DYNC1I1: variants seen among roughly 807,000 people sequenced by gnomAD.
DYNC1I1 encodes the protein dynein cytoplasmic 1 intermediate chain 1, also known as cytoplasmic dynein 1 intermediate chain 1.
DYNC1I1 carries 43 observed loss-of-function variants against 86.6 expected under a neutral mutation model. That is an observed-to-expected ratio of 0.50 (90% confidence interval 0.39 to 0.64). The LOEUF is 0.64. Ranked by LOEUF, DYNC1I1 falls within the 30% of genes least tolerant of loss-of-function variation. DYNC1I1 has a pLI of 0.00. For synonymous variants in DYNC1I1, 262 were observed against 283.7 expected, an observed-to-expected ratio of 0.92 and a Z score of 0.77; for missense variants, 604 against 788.8, an observed-to-expected ratio of 0.77 and a Z score of 2.81.
At chr7:95,844,544 C>T (rs1789375185) in intron 5 of DYNC1I1, among the ~76,000 whole-genome samples, 1 of 152,094 alleles carries the variant, frequency 6.6e-6, no homozygotes, top group Non-Finnish European at 1.5e-5. Context: ...ACATAGTCCC[C>T]TGCAAAATTC....
intron 16 of DYNC1I1, among the ~76,000 whole-genome samples, chr7:96,095,405 C>T (rs1790972808): frequency 6.6e-6 from 1 of 152,066 alleles, no homozygotes; most frequent in Non-Finnish European, 1.5e-5. Context: ...TAACATATTG[C>T]ATAGGTCATC....
intron 9 of DYNC1I1, among the ~76,000 whole-genome samples, chr7:95,995,211 C>T (rs1451636460): frequency 6.6e-6 from 1 of 151,926 alleles, no homozygotes; most frequent in Non-Finnish European, 1.5e-5. Flanking sequence ...CAGGCCACTG[C>T]ACTCCAGCCT....
chr7:95,816,897 A>T, intron 4 of DYNC1I1, among the ~76,000 whole-genome samples: 1 of 152,214 alleles, frequency 6.6e-6, no homozygotes, highest in Non-Finnish European at 1.5e-5. Flanking sequence ...CTAGGAATAG[A>T]AAATATTTTC....
At chr7:95,922,349 T>G (rs559346099) in intron 6 of DYNC1I1, among the ~76,000 whole-genome samples, 44 of 152,260 alleles carry the variant, frequency 2.9e-4, no homozygotes, top group Admixed American at 6.5e-4. Context: ...CAAAACTCTT[T>G]GGAGAAGGAC....
At chr7:95,854,771 C>A (rs550813722) in intron 5 of DYNC1I1, among the ~76,000 whole-genome samples, 6 of 152,190 alleles carry the variant, frequency 3.9e-5, no homozygotes, top group Non-Finnish European at 8.8e-5. Context: ...AGATTCAGAG[C>A]AACTTTATGC....
chr7:95,992,718 C>G (rs1397412053), intron 9 of DYNC1I1, among the ~76,000 whole-genome samples: 1 of 152,058 alleles, frequency 6.6e-6, no homozygotes, highest in African/African-American at 2.4e-5. Context: ...CTCCTGGGTT[C>G]AAGCAATTCT....
chr7:95,909,260 G>GGGGGGGGA (rs1791264988), intron 6 of DYNC1I1, among the ~76,000 whole-genome samples: 1 of 92,284 alleles, frequency 1.1e-5, no homozygotes, highest in African/African-American at 4.1e-5. Context: ...GGGGGGCGGG[G>GGGGGGGGA]CGGGAAGGGA....
intron 1 of DYNC1I1, among the ~76,000 whole-genome samples, chr7:95,790,306 C>A (rs1794261376): frequency 6.6e-6 from 1 of 152,130 alleles, no homozygotes; most frequent in Non-Finnish European, 1.5e-5. Flanking sequence ...GACTGCCTTT[C>A]CATTTGCGTC....
chr7:95,970,748 A>G (rs1368219425), intron 6 of DYNC1I1, among the ~76,000 whole-genome samples: 1 of 152,184 alleles, frequency 6.6e-6, no homozygotes, highest in Non-Finnish European at 1.5e-5. Flanking sequence ...TATTAAGAAG[A>G]GTAGGTCTTT....
At chr7:96,100,321 TCCTCCCTC>T (rs1168708519), downstream of DYNC1I1, among the ~76,000 whole-genome samples, 1 of 151,720 alleles carries the variant, frequency 6.6e-6, no homozygotes, top group African/African-American at 2.4e-5. Flanking sequence ...CTTCCTCCCT[TCCTCCCTC>T]CCTCCCTCTC....
chr7:96,096,744 G>T (rs1791019633), intron 16 of DYNC1I1, among the ~76,000 whole-genome samples: 1 of 152,058 alleles, frequency 6.6e-6, no homozygotes, highest in South Asian at 2.1e-4. Context: ...TAGCATACTG[G>T]CTAAGGATGC....
chr7:96,014,276 CA>C (rs1794349546), intron 10 of DYNC1I1, among the ~76,000 whole-genome samples: 2 of 152,176 alleles, frequency 1.3e-5, no homozygotes, highest in Admixed American at 1.3e-4. Flanking sequence ...GTCCCATGAA[CA>C]AAGTGACACA....
chr7:95,784,721 T>C (rs1794083614), intron 1 of DYNC1I1, among the ~76,000 whole-genome samples: 1 of 152,204 alleles, frequency 6.6e-6, no homozygotes, highest in African/African-American at 2.4e-5. Context: ...GGCTGGGCTG[T>C]CTGTGAGGTA....
chr7:95,785,070 C>T (rs1346830749), intron 1 of DYNC1I1, among the ~76,000 whole-genome samples: 1 of 152,090 alleles, frequency 6.6e-6, no homozygotes, highest in African/African-American at 2.4e-5. Flanking sequence ...TTCCTCCTGC[C>T]AGACAATGGG....
chr7:95,785,775 G>GTATGTATATATATATATA (rs55666459), intron 1 of DYNC1I1, among the ~76,000 whole-genome samples: 4 of 124,896 alleles, frequency 3.2e-5, no homozygotes, highest in Non-Finnish European at 6.9e-5. Context: ...GTGTGTATGT[G>GTATGTATATATATATATA]TATATATATA....
chr7:96,081,130 A>C (rs1004260063), intron 16 of DYNC1I1, among the ~76,000 whole-genome samples: 2 of 151,964 alleles, frequency 1.3e-5, no homozygotes, highest in Admixed American at 6.6e-5. Flanking sequence ...AAAATTGAAA[A>C]GTTGAGTTTT....
chr7:95,813,153 T>C, intron 3 of DYNC1I1, 94 bp from the exon 4 acceptor site: 1 of 1,607,752 alleles, frequency 6.2e-7, no homozygotes, highest in Non-Finnish European at 8.5e-7. Flanking sequence ...CACTTTAATT[T>C]GGGCCCATTT....
chr7:95,902,726 A>T (rs980628985), intron 6 of DYNC1I1, among the ~76,000 whole-genome samples: 1 of 152,182 alleles, frequency 6.6e-6, no homozygotes, highest in African/African-American at 2.4e-5. Flanking sequence ...ATATGTTTTA[A>T]ATCCACTTGT....
downstream of DYNC1I1, among the ~76,000 whole-genome samples, chr7:96,100,322 C>T (rs912344153): frequency 4.6e-5 from 7 of 151,846 alleles, no homozygotes; most frequent in African/African-American, 1.7e-4. Flanking sequence ...TTCCTCCCTT[C>T]CTCCCTCCCT....
Sources: gnomAD v4.1 joint callset for allele counts (sites outside exome capture counted in the v4.1 genomes callset) on GRCh38, gnomAD v4.1.1 for gene constraint, MANE v1.5 for transcripts, NCBI Gene and HGNC (gene_info 2026-07-23, HGNC 2026-07-21) for gene names.